Variants in TSHZ3 observed in about 807,000 individuals in gnomAD.
TSHZ3 encodes teashirt zinc finger homeobox 3, also known as teashirt homolog 3.
Under a neutral mutation model 64.5 loss-of-function variants are expected in TSHZ3, and 10 were observed. That is an observed-to-expected ratio of 0.16 (90% confidence interval 0.10 to 0.26). The LOEUF is 0.26. Among genes scored for constraint, TSHZ3 ranks in the 10% least tolerant of loss-of-function variants. The pLI is 1.00. For synonymous variants in TSHZ3, 608 were observed against 593.1 expected (o/e 1.03, Z -0.36); for missense variants, 1,242 against 1,421.7 (o/e 0.87, Z 2.03).
intron 1 of TSHZ3, among the ~76,000 whole-genome samples, chr19:31,298,440 C>A (rs553380353): frequency 4.6e-5 from 7 of 151,992 alleles, no homozygotes; most frequent in African/African-American, 1.7e-4. Flanking sequence ...CATAGAAGAG[C>A]CGACTTCATG....
At chr19:31,179,605 T>C (rs1457705389) in intron 5 of TSHZ3, among the ~76,000 whole-genome samples, 1 of 152,092 alleles carries the variant, frequency 6.6e-6, no homozygotes, top group African/African-American at 2.4e-5. Context: ...GTGGTGATGG[T>C]GCTGGTAAGA....
Position 31,153,209 on chromosome 19 carries a change from G to T in TSHZ3, n.872-1465C>A, listed in dbSNP as rs118035828. Among the ~76,000 whole-genome samples, 465 of 152,212 alleles carry T rather than the reference G, an allele frequency of 3.1e-3. 2 individuals are homozygous for T. The highest frequency in any genetic ancestry group is 5.0e-3 in the Non-Finnish European group (340 of 68,004). On this transcript the variant is annotated intron_variant and non_coding_transcript_variant, in intron 6 of 6. Transcript: ENST00000651361. ...TGACATAAGATACTGATGTATAAAG[G>T]CCAGTTTTCTACCATGATTACTGTT...
At chr19:31,235,589 C>T (rs76289937) in intron 3 of TSHZ3, among the ~76,000 whole-genome samples, 10 of 127,950 alleles carry the variant, frequency 7.8e-5, no homozygotes, top group Admixed American at 2.4e-4. Context: ...TCTCTTTTTT[C>T]TTTCTTTTTT....
chr19:31,232,691 G>C (rs949560536), intron 3 of TSHZ3, among the ~76,000 whole-genome samples: 4 of 152,112 alleles, frequency 2.6e-5, no homozygotes, highest in Non-Finnish European at 5.9e-5. Context: ...TCATCCTCTT[G>C]CCTCTTAAAG....
chr19:31,159,503 TA>T, intron 5 of TSHZ3, among the ~76,000 whole-genome samples: 1 of 152,172 alleles, frequency 6.6e-6, no homozygotes, highest in Non-Finnish European at 1.5e-5. Context: ...TTATTAAAAT[TA>T]ATTTTACCTG....
At chr19:31,208,134 G>A (rs1051476662) in intron 4 of TSHZ3, among the ~76,000 whole-genome samples, 1 of 152,196 alleles carries the variant, frequency 6.6e-6, no homozygotes, top group African/African-American at 2.4e-5. Flanking sequence ...TCCATCATAT[G>A]GAGTTTTGGG....
At chr19:31,253,461 G>C (rs1456351618) in intron 1 of TSHZ3, among the ~76,000 whole-genome samples, 1 of 152,176 alleles carries the variant, frequency 6.6e-6, no homozygotes, top group African/African-American at 2.4e-5. Context: ...CTCCACAGGG[G>C]TTAACAGAAA....
At position 31,174,328 on chromosome 19, in the gene TSHZ3, C is replaced by T. The variant is rs536136077; in HGVS notation, n.810-17911G>A. Among the ~76,000 whole-genome samples, 5 of 152,332 alleles carry T rather than the reference C, an allele frequency of 3.3e-5. No individual in the cohort carries two copies. In the East Asian group the frequency reaches 7.7e-4, roughly 24 times the overall value. ...AGACCAGTGTCCCACCTCCATCAGT[C>T]CATCAGAAGGAGCTACCTGTTCCTC... On this transcript the variant is annotated intron_variant and non_coding_transcript_variant, in intron 5 of 6. Transcript: ENST00000651361.
chr19:31,250,770 A>G (rs1975829017), intron 1 of TSHZ3, among the ~76,000 whole-genome samples: 1 of 152,194 alleles, frequency 6.6e-6, no homozygotes, highest in Admixed American at 6.5e-5. Context: ...CATCAAGTAG[A>G]GGTACTGCTT....
At chr19:31,161,781 T>C (rs1974376969) in intron 5 of TSHZ3, among the ~76,000 whole-genome samples, 1 of 152,208 alleles carries the variant, frequency 6.6e-6, no homozygotes, top group Non-Finnish European at 1.5e-5. Context: ...AAGGGCCAGA[T>C]AGTAAATATT....
rs558944772 is a variant in TSHZ3, at chr19:31,267,549, G to T, written n.64-24674C>A. ...TCCTCAGCATCTCCTTCTTTCCCCT[G>T]CCCCCACTCCATCCACCCTTCCCCC... On this transcript the variant is annotated intron_variant and non_coding_transcript_variant, in intron 1 of 6. Transcript: ENST00000651361. 4.2e-4 allele frequency among the ~76,000 whole-genome samples: 64 copies of T among 151,902 alleles called. 1 individual carries two copies. The highest frequency in any genetic ancestry group is 6.8e-3 in the Middle Eastern group (2 of 294).
At chr19:31,220,087 A>T (rs1030024380) in intron 4 of TSHZ3, among the ~76,000 whole-genome samples, 10 of 152,162 alleles carry the variant, frequency 6.6e-5, no homozygotes, top group Non-Finnish European at 4.4e-5. Flanking sequence ...AATCCTTTTC[A>T]ACAAACAGTG....
intron 1 of TSHZ3, among the ~76,000 whole-genome samples, chr19:31,290,898 A>T (rs1976554333): frequency 6.6e-6 from 1 of 152,152 alleles, no homozygotes; most frequent in Non-Finnish European, 1.5e-5. Context: ...TCTTCCCACT[A>T]GCAAGGTCAG....
At chr19:31,209,994 A>T (rs932352389) in intron 4 of TSHZ3, among the ~76,000 whole-genome samples, 15 of 152,242 alleles carry the variant, frequency 9.9e-5, no homozygotes, top group African/African-American at 3.1e-4. Flanking sequence ...AGGGGAGTTG[A>T]TTTTGAAGGA....
chr19:31,322,788 G>GTGAA (rs1014764868), intron 1 of TSHZ3, among the ~76,000 whole-genome samples: 27 of 152,320 alleles, frequency 1.8e-4, no homozygotes, highest in African/African-American at 4.8e-4. Flanking sequence ...AAAGGAATGA[G>GTGAA]TGAATGAATG....
At chr19:31,344,703 CCTTT>C (rs1226441833) in intron 1 of TSHZ3, among the ~76,000 whole-genome samples, 2 of 152,332 alleles carry the variant, frequency 1.3e-5, no homozygotes, top group East Asian at 3.9e-4. Flanking sequence ...GAAGGTAGGT[CCTTT>C]CTCTTTCCAG....
intron 6 of TSHZ3, among the ~76,000 whole-genome samples, chr19:31,156,011 C>A (rs1188155013): frequency 6.6e-6 from 1 of 152,164 alleles, no homozygotes; most frequent in East Asian, 1.9e-4. Context: ...TGTTGTTAAC[C>A]AATCTGGCTC....
intron 1 of TSHZ3, among the ~76,000 whole-genome samples, chr19:31,289,129 A>G (rs1219927072): frequency 6.6e-6 from 1 of 152,206 alleles, no homozygotes; most frequent in Admixed American, 6.5e-5. Context: ...AGGTGCACCA[A>G]CTGCACAGGG....
rs144415930 is a variant in TSHZ3 at position 31,178,775 on chromosome 19, T to A, written n.810-22358A>T. On this transcript the variant is annotated intron_variant and non_coding_transcript_variant, in intron 5 of 6. Coordinates refer to the TSHZ3 transcript ENST00000651361. ...GGAAACTGTGCTCCAGGGTGAGACA[T>A]GTCATCAGAAGGCTGTCATCTGGAC... Among the ~76,000 whole-genome samples, 11 of 152,278 alleles carry A rather than the reference T, an allele frequency of 7.2e-5. No homozygotes were observed. In the East Asian group the frequency reaches 2.1e-3, roughly 29 times the overall value.
Sources: gnomAD v4.1 joint callset for allele counts (sites outside exome capture counted in the v4.1 genomes callset) on GRCh38, gnomAD v4.1.1 for gene constraint, MANE v1.5 for transcripts, NCBI Gene and HGNC (gene_info 2026-07-23, HGNC 2026-07-21) for gene names.